The following PRKG1 variants were observed in gnomAD, a reference collection of about 807,000 sequenced individuals.
PRKG1 encodes the protein cGMP-dependent protein kinase 1.
PRKG1 carries 35 observed loss-of-function variants against 88.1 expected under a neutral mutation model. The observed-to-expected ratio is 0.40, with a 90% CI of 0.30 to 0.53. The LOEUF is 0.53. Ranked by LOEUF, PRKG1 falls within the 20% of genes least tolerant of loss-of-function variation. The pLI is 0.59. For synonymous variants in PRKG1, 303 were observed against 292.5 expected, an observed-to-expected ratio of 1.04 and a Z score of -0.37; for missense variants, 540 against 839.8, an observed-to-expected ratio of 0.64 and a Z score of 4.41.
At chr10:51,702,692 C>T (rs865810807) in intron 3 of PRKG1, among the ~76,000 whole-genome samples, 1 of 150,272 alleles carries the variant, frequency 6.7e-6, no homozygotes, top group Non-Finnish European at 1.5e-5. Flanking sequence ...ATCCATTGTT[C>T]AAAATGAATT....
chr10:51,553,736 TATATA>T (rs939747839), intron 3 of PRKG1, among the ~76,000 whole-genome samples: 10 of 138,468 alleles, frequency 7.2e-5, no homozygotes, highest in African/African-American at 2.3e-4. Flanking sequence ...TAGATACGTG[TATATA>T]ATATATGTAT....
chr10:51,028,428 A>G (rs1843237521), intron 1 of PRKG1, among the ~76,000 whole-genome samples: 1 of 152,216 alleles, frequency 6.6e-6, no homozygotes, highest in African/African-American at 2.4e-5. Context: ...TTGGCCAGTA[A>G]CTATCTGTTG....
intron 5 of PRKG1, among the ~76,000 whole-genome samples, chr10:52,017,884 A>G (rs1167258657): frequency 6.6e-6 from 1 of 152,216 alleles, no homozygotes; most frequent in Non-Finnish European, 1.5e-5. Flanking sequence ...AGTTTTATAA[A>G]GATCTTATTC....
intron 3 of PRKG1, among the ~76,000 whole-genome samples, chr10:51,644,083 T>G (rs186469162): frequency 1.3e-5 from 2 of 152,334 alleles, no homozygotes; most frequent in East Asian, 3.9e-4. Flanking sequence ...CTCACCATAA[T>G]TACAATGCCA....
chr10:51,200,878 C>T (rs559705240), intron 2 of PRKG1, among the ~76,000 whole-genome samples: 51 of 152,232 alleles, frequency 3.4e-4, no homozygotes, highest in African/African-American at 1.1e-3. Flanking sequence ...CCACAGAAGG[C>T]CTCAACTTGG....
At chr10:51,105,569 T>G (rs528898227) in intron 1 of PRKG1, among the ~76,000 whole-genome samples, 17 of 152,344 alleles carry the variant, frequency 1.1e-4, no homozygotes, top group Admixed American at 7.8e-4. Flanking sequence ...ATGTCTATTA[T>G]TTTTTGTAAT....
intron 5 of PRKG1, among the ~76,000 whole-genome samples, chr10:51,998,311 T>C (rs540719438): frequency 1.3e-4 from 20 of 152,290 alleles, no homozygotes; most frequent in African/African-American, 4.8e-4. Flanking sequence ...TGTGTCATTT[T>C]GGGTTCTTGA....
chr10:51,026,039 C>G (rs1228997737), intron 1 of PRKG1, among the ~76,000 whole-genome samples: 8 of 151,984 alleles, frequency 5.3e-5, no homozygotes, highest in Non-Finnish European at 7.4e-5. Flanking sequence ...AGAAAATATG[C>G]CATGTGAATA....
At chr10:51,501,866 G>A (rs1841037336) in intron 3 of PRKG1, among the ~76,000 whole-genome samples, 1 of 150,150 alleles carries the variant, frequency 6.7e-6, no homozygotes, top group South Asian at 2.1e-4. Flanking sequence ...CCAAATATGG[G>A]CACAGATGTT....
chr10:51,543,198 T>C (rs977939954), intron 3 of PRKG1, among the ~76,000 whole-genome samples: 1 of 152,172 alleles, frequency 6.6e-6, no homozygotes, highest in Non-Finnish European at 1.5e-5. Context: ...AATGTGCTTG[T>C]CAAATTGAAT....
chr10:52,021,980 A>C (rs1845198222), intron 5 of PRKG1, among the ~76,000 whole-genome samples: 1 of 152,192 alleles, frequency 6.6e-6, no homozygotes, highest in Admixed American at 6.5e-5. Flanking sequence ...CTTGTCATAT[A>C]ATTTGCTATG....
chr10:51,798,943 C>T (rs1176808026), intron 3 of PRKG1, among the ~76,000 whole-genome samples: 2 of 151,942 alleles, frequency 1.3e-5, no homozygotes, highest in African/African-American at 2.4e-5. Context: ...GCTAGAAAGT[C>T]GAATATTAGG....
rs150027347 is a variant in PRKG1 at position 51,862,175 on chromosome 10, G to C, written c.699-45332G>C. On this transcript the variant is annotated intron_variant, in intron 4 of 17. Transcript: ENST00000373980. ...GGAGAGGGGCATGTTATAGCTCATT[G>C]ATGTTATAGCTCATTCATGTTACAG... is the stretch of plus-strand genomic sequence containing the variant. Among the ~76,000 whole-genome samples, 368 of 152,208 alleles carry C rather than the reference G, an allele frequency of 2.4e-3. 1 individual carries two copies. Among genetic ancestry groups the C allele is most frequent in the African/African-American group, 8.3e-3 (343 of 41,542 alleles).
At chr10:51,385,632 T>C (rs1837230671) in intron 2 of PRKG1, among the ~76,000 whole-genome samples, 1 of 152,110 alleles carries the variant, frequency 6.6e-6, no homozygotes, top group African/African-American at 2.4e-5. Flanking sequence ...TTGGCCTTGG[T>C]TTTCTGAATC....
Position 51,811,984 on chromosome 10 carries a change from A to G in PRKG1, c.698+7294A>G, listed in dbSNP as rs996357945. Among the ~76,000 whole-genome samples, 13 of 152,322 alleles carry G rather than the reference A, an allele frequency of 8.5e-5. No homozygotes were observed. In the South Asian group the frequency reaches 2.7e-3, roughly 32 times the overall value. ...TATTTCAAATATTTTGAGTATTTGTATGACTTATTAATATGAAGAGTGCCT... is the reference window on the plus strand; with the variant it reads ...TATTTCAAATATTTTGAGTATTTGTGTGACTTATTAATATGAAGAGTGCCT... On this transcript the variant is annotated intron_variant, in intron 4 of 17. Coordinates refer to ENST00000373980, the MANE Select transcript of PRKG1 (RefSeq NM_006258.4).
intron 2 of PRKG1, among the ~76,000 whole-genome samples, chr10:51,172,356 T>G (rs1237414154): frequency 6.6e-6 from 1 of 152,070 alleles, no homozygotes; most frequent in East Asian, 1.9e-4. Flanking sequence ...AGAATTAATC[T>G]TGGAATAAAG....
chr10:51,021,489 T>A (rs993572659), intron 1 of PRKG1, among the ~76,000 whole-genome samples: 6 of 152,228 alleles, frequency 3.9e-5, no homozygotes, highest in Admixed American at 3.3e-4. Context: ...AATTATATCA[T>A]CAGTTAATAA....
intron 1 of PRKG1, among the ~76,000 whole-genome samples, chr10:51,027,998 A>G (rs1295712882): frequency 6.6e-6 from 1 of 152,200 alleles, no homozygotes; most frequent in African/African-American, 2.4e-5. Flanking sequence ...GGCATTTATC[A>G]TAGATAAACA....
chr10:51,816,537 A>G (rs1937722), intron 4 of PRKG1, among the ~76,000 whole-genome samples: 32,450 of 145,976 alleles, frequency 0.22, 5,710 homozygotes, highest in African/African-American at 0.49. Context: ...TAATTTTGGC[A>G]TGTGTGTGTG....
Sources: gnomAD v4.1 joint callset for allele counts (sites outside exome capture counted in the v4.1 genomes callset) on GRCh38, gnomAD v4.1.1 for gene constraint, MANE v1.5 for transcripts, NCBI Gene and HGNC (gene_info 2026-07-23, HGNC 2026-07-21) for gene names.